The following DLG2 variants were observed in gnomAD, a reference collection of about 807,000 sequenced individuals.
DLG2 encodes the protein disks large homolog 2.
Under a neutral mutation model 132.5 loss-of-function variants are expected in DLG2, and 45 were observed. The ratio of observed to expected loss-of-function variants is 0.34; its 90% CI spans 0.27 to 0.44. The LOEUF (loss-of-function observed/expected upper bound fraction) is 0.44. Among genes scored for constraint, DLG2 ranks in the 20% least tolerant of loss-of-function variants. DLG2 has a pLI of 1.00. For synonymous variants in DLG2, 424 were observed against 419.6 expected, an observed-to-expected ratio of 1.01 and a Z score of -0.13; for missense variants, 1,045 against 1,196.9, an observed-to-expected ratio of 0.87 and a Z score of 1.87.
chr11:85,505,927 T>C (rs2093920838), intron 3 of DLG2, among the ~76,000 whole-genome samples: 1 of 152,348 alleles, frequency 6.6e-6, no homozygotes, highest in Non-Finnish European at 1.5e-5. Flanking sequence ...GGGATTTAAC[T>C]TCTTCCTGGT....
chr11:83,774,534 C>T (rs1296791768), intron 18 of DLG2, among the ~76,000 whole-genome samples: 2 of 152,102 alleles, frequency 1.3e-5, no homozygotes, highest in African/African-American at 4.8e-5. Flanking sequence ...GGAATTTGAA[C>T]ATATCTATCC....
chr11:84,066,209 G>A (rs533997318), intron 10 of DLG2, among the ~76,000 whole-genome samples: 9 of 151,832 alleles, frequency 5.9e-5, no homozygotes, highest in Non-Finnish European at 1.0e-4. Flanking sequence ...ATGTACCCCC[G>A]AAACTAAAGG....
chr11:83,947,574 T>C (rs79073790), intron 14 of DLG2, among the ~76,000 whole-genome samples: 11,637 of 152,214 alleles, frequency 0.076, 607 homozygotes, highest in Non-Finnish European at 0.12. Flanking sequence ...ATGACTATGG[T>C]TTCCTGGACT....
chr11:83,535,597 A>G (rs556743961), intron 20 of DLG2, among the ~76,000 whole-genome samples: 1 of 152,184 alleles, frequency 6.6e-6, no homozygotes, highest in East Asian at 1.9e-4. Context: ...ACACACACAC[A>G]TACACTCACC....
At chr11:85,185,024 C>T (rs2079991765) in intron 4 of DLG2, among the ~76,000 whole-genome samples, 1 of 151,820 alleles carries the variant, frequency 6.6e-6, no homozygotes, top group Non-Finnish European at 1.5e-5. Context: ...AAAACATCCC[C>T]CAAATAGCAC....
At chr11:85,017,521 C>G (rs1444507360) in intron 6 of DLG2, among the ~76,000 whole-genome samples, 1 of 152,190 alleles carries the variant, frequency 6.6e-6, no homozygotes. Context: ...CCCCTTAAAA[C>G]TGTAATCCAA....
At chr11:84,193,168 G>A (rs2096448081) in intron 8 of DLG2, among the ~76,000 whole-genome samples, 1 of 152,144 alleles carries the variant, frequency 6.6e-6, no homozygotes, top group Non-Finnish European at 1.5e-5. Context: ...GACAGTCATT[G>A]TTGAATAATA....
chr11:83,965,513 C>A (rs748899412), intron 12 of DLG2, 45 bp from the exon 13 acceptor site: 3 of 1,491,324 alleles, frequency 2.0e-6, no homozygotes, highest in East Asian at 4.7e-5. Flanking sequence ...ATCTATGGAG[C>A]AGAAGAAAAA....
rs1222737643 is a variant in DLG2 at position 83,668,671 on chromosome 11, ATATATGTATGTG to A, written c.1826-35358_1826-35347del. Among the ~76,000 whole-genome samples the A allele has an allele frequency of 1.6e-3, 240 of 150,958 alleles. 2 individuals are homozygous for A. The highest frequency in any genetic ancestry group is 5.3e-3 in the African/African-American group (218 of 41,100). On this transcript the variant is annotated intron_variant, in intron 18 of 27. Transcript: ENST00000376104. ...CATGTGTATGTATATATGTATAAGT[ATATATGTATGTG>A]TATATATATGTGTATATAAACACAT...
intron 6 of DLG2, among the ~76,000 whole-genome samples, chr11:84,697,323 T>C (rs958083149): frequency 2.6e-5 from 4 of 151,506 alleles, no homozygotes; most frequent in African/African-American, 9.7e-5. Context: ...ATAAACCTAT[T>C]CATCCTAGCC....
intron 6 of DLG2, among the ~76,000 whole-genome samples, chr11:85,018,262 C>T (rs1052186160): frequency 6.6e-6 from 1 of 152,126 alleles, no homozygotes; most frequent in African/African-American, 2.4e-5. Context: ...TAGGATTCTT[C>T]CTCACTTATC....
At chr11:83,739,759 C>A (rs1296689092) in intron 18 of DLG2, among the ~76,000 whole-genome samples, 1 of 152,086 alleles carries the variant, frequency 6.6e-6, no homozygotes, top group Non-Finnish European at 1.5e-5. Context: ...GAAAGGTAGA[C>A]AGAAGGTAGC....
intron 14 of DLG2, among the ~76,000 whole-genome samples, chr11:83,957,333 T>C (rs1279714258): frequency 3.3e-5 from 5 of 152,170 alleles, no homozygotes; most frequent in Admixed American, 2.6e-4. Context: ...GACTACTCCA[T>C]AGGTAATAAA....
intron 6 of DLG2, among the ~76,000 whole-genome samples, chr11:84,912,377 C>T (rs954793369): frequency 5.9e-5 from 9 of 152,260 alleles, no homozygotes; most frequent in Middle Eastern, 3.4e-3. Flanking sequence ...AGGATGGTCT[C>T]GATCTCCTGA....
intron 3 of DLG2, among the ~76,000 whole-genome samples, chr11:85,582,395 G>A (rs1015466429): frequency 1.3e-5 from 2 of 152,016 alleles, no homozygotes; most frequent in African/African-American, 4.8e-5. Context: ...AAACATAAGA[G>A]TGGGTGGCTA....
At chr11:85,488,932 A>C (rs1597847415) in intron 3 of DLG2, among the ~76,000 whole-genome samples, 1 of 152,202 alleles carries the variant, frequency 6.6e-6, no homozygotes, top group South Asian at 2.1e-4. Context: ...TTGGTAAATT[A>C]AACACACCAA....
chr11:85,585,227 C>T (rs1361013869), intron 3 of DLG2, among the ~76,000 whole-genome samples: 2 of 152,236 alleles, frequency 1.3e-5, no homozygotes, highest in East Asian at 1.9e-4. Context: ...TGTGGCTTGC[C>T]GATTATCCCA....
chr11:84,212,642 T>G (rs1213301234), intron 8 of DLG2, among the ~76,000 whole-genome samples: 1 of 152,230 alleles, frequency 6.6e-6, no homozygotes. Flanking sequence ...GTCATTTGAC[T>G]GAATTCAAGT....
At chr11:84,960,899 G>A (rs1232435760) in intron 6 of DLG2, among the ~76,000 whole-genome samples, 1 of 152,066 alleles carries the variant, frequency 6.6e-6, no homozygotes, top group East Asian at 1.9e-4. Flanking sequence ...CACAGCCCCT[G>A]ATGCATAATA....
Sources: allele counts gnomAD v4.1 joint callset (sites outside exome capture counted in the v4.1 genomes callset), GRCh38; gene constraint gnomAD v4.1.1; transcripts MANE v1.5; gene names NCBI Gene and HGNC (gene_info 2026-07-23, HGNC 2026-07-21).